The following DRC9 variants were observed in gnomAD, a reference collection of about 807,000 sequenced individuals.
DRC9 encodes the protein dynein regulatory complex protein 9.
At chr3:197,929,722 G>T in the DRC9 span, among the ~76,000 whole-genome samples, 2 of 151,962 alleles carry the variant, frequency 1.3e-5, no homozygotes, top group Admixed American at 6.6e-5. This position sits in a 1 kb window ranked among gnomAD's most constrained non-coding sequence, Gnocchi z 4.6. Context: ...AGTGGGCTAT[G>T]ATCATGCCAC....
the DRC9 span, among the ~76,000 whole-genome samples, chr3:197,907,699 G>A: frequency 6.6e-6 from 1 of 152,202 alleles, no homozygotes; most frequent in African/African-American, 2.4e-5. Flanking sequence ...GACTGTACCA[G>A]GTCTGAAGAG....
At chr3:197,948,098 G>T in the DRC9 span, among the ~76,000 whole-genome samples, 1 of 151,620 alleles carries the variant, frequency 6.6e-6, no homozygotes, top group African/African-American at 2.4e-5. Flanking sequence ...ACCCCTGGCT[G>T]ATTTTTGTAT....
At chr3:197,905,814 G>C in the DRC9 span, among the ~76,000 whole-genome samples, 1 of 151,992 alleles carries the variant, frequency 6.6e-6, no homozygotes. Flanking sequence ...CTCAACATCA[G>C]CAAGTCTATT....
chr3:197,925,439 C>T, the DRC9 span, among the ~76,000 whole-genome samples: 1 of 115,134 alleles, frequency 8.7e-6, no homozygotes, highest in Non-Finnish European at 1.8e-5. Context: ...GGGATGAGGT[C>T]ATCTGTGGGG....
the DRC9 span, chr3:197,913,327 TGC>T: frequency 8.3e-5 from 16 of 193,314 alleles, no homozygotes; most frequent in African/African-American, 3.9e-4. Flanking sequence ...TTTGCGTGTG[TGC>T]GTGCGTGCGT....
At chr3:197,941,348 T>TTTCC in the DRC9 span, among the ~76,000 whole-genome samples, 1 of 88,218 alleles carries the variant, frequency 1.1e-5, no homozygotes, top group Non-Finnish European at 2.1e-5. Flanking sequence ...CCCCTCTGTC[T>TTTCC]CTTTCTTTCC....
the DRC9 span, among the ~76,000 whole-genome samples, chr3:197,920,814 T>A: frequency 1.3e-5 from 2 of 152,250 alleles, no homozygotes; most frequent in Non-Finnish European, 2.9e-5. Context: ...TGGATGTTGA[T>A]GTTCAGAAGT....
chr3:197,914,901 C>A, the DRC9 span, among the ~76,000 whole-genome samples: 36 of 152,052 alleles, frequency 2.4e-4, no homozygotes, highest in African/African-American at 8.5e-4. Flanking sequence ...CGGGGGCTCA[C>A]GCCTGTAATC....
chr3:197,895,142 T>TAAC, the DRC9 span, among the ~76,000 whole-genome samples: 1 of 152,112 alleles, frequency 6.6e-6, no homozygotes, highest in African/African-American at 2.4e-5. Context: ...TTCCTCTTGT[T>TAAC]AACACTTAAA....
chr3:197,903,504 T>C, the DRC9 span, among the ~76,000 whole-genome samples: 1 of 152,004 alleles, frequency 6.6e-6, no homozygotes, highest in African/African-American at 2.4e-5. Context: ...GGCATGGCAG[T>C]GCACTCCTGT....
chr3:197,931,134 G>A, the DRC9 span, among the ~76,000 whole-genome samples: 35 of 152,172 alleles, frequency 2.3e-4, no homozygotes, highest in East Asian at 1.7e-3. Context: ...GATGGTAAAT[G>A]AGCAAAAAAG....
At chr3:197,931,846 T>C in the DRC9 span, among the ~76,000 whole-genome samples, 65 of 152,032 alleles carry the variant, frequency 4.3e-4, no homozygotes, top group African/African-American at 1.4e-3. Flanking sequence ...AGGATGGTCT[T>C]GATCTCCTGA....
the DRC9 span, among the ~76,000 whole-genome samples, chr3:197,904,096 ATATATATATATATAT>A: frequency 2.4e-3 from 111 of 46,032 alleles, no homozygotes; most frequent in African/African-American, 2.8e-3. Flanking sequence ...ACATATATAT[ATATATATATATATAT>A]TTTTTTTTTT....
chr3:197,948,466 C>A, the DRC9 span, among the ~76,000 whole-genome samples: 25 of 152,322 alleles, frequency 1.6e-4, no homozygotes, highest in Middle Eastern at 3.4e-3. Context: ...AGCAACATGA[C>A]AACGATGCTC....
chr3:197,951,354 C>T, the DRC9 span: 19 of 1,599,508 alleles, frequency 1.2e-5, no homozygotes, highest in Non-Finnish European at 1.5e-5. Context: ...TTGAGATCTG[C>T]CTCATTTTCT....
chr3:197,939,794 A>G, the DRC9 span, among the ~76,000 whole-genome samples: 1 of 151,628 alleles, frequency 6.6e-6, no homozygotes, highest in African/African-American at 2.4e-5. Flanking sequence ...GCTGGAGTGC[A>G]GTGGCGCGAT....
the DRC9 span, among the ~76,000 whole-genome samples, chr3:197,920,743 A>C: frequency 1.3e-5 from 2 of 152,256 alleles, no homozygotes; most frequent in South Asian, 4.1e-4. Context: ...TTTATATATG[A>C]ATCTTGGTTC....
At chr3:197,904,483 T>TGCA in the DRC9 span, among the ~76,000 whole-genome samples, 46 of 152,316 alleles carry the variant, frequency 3.0e-4, no homozygotes, top group African/African-American at 1.1e-3. Context: ...GTGGAAGAGA[T>TGCA]GTCTGCACTC....
the DRC9 span, chr3:197,956,624 G>GTTTTTTTTTTTTTTTTTT: frequency 5.2e-5 from 7 of 135,188 alleles, no homozygotes; most frequent in South Asian, 2.4e-4. Context: ...TTGCTGTATG[G>GTTTTTTTTTTTTTTTTTT]TTTTTTTTTT....
Sources: allele counts gnomAD v4.1 joint callset (sites outside exome capture counted in the v4.1 genomes callset), GRCh38; gene constraint gnomAD v4.1.1; non-coding constraint Gnocchi (gnomAD v3.1); transcripts MANE v1.5; gene names NCBI Gene and HGNC (gene_info 2026-07-23, HGNC 2026-07-21).